RAB3GAP1: variants seen among roughly 807,000 people sequenced by gnomAD.
RAB3GAP1 encodes RAB3 GTPase activating protein catalytic subunit 1.
A neutral mutation model predicts 130.7 loss-of-function variants in RAB3GAP1; 86 were observed. The observed-to-expected ratio is 0.66, with a 90% CI of 0.55 to 0.79. RAB3GAP1 has a LOEUF of 0.79. Among genes scored for constraint, RAB3GAP1 ranks in the 30% least tolerant of loss-of-function variants. The pLI is 0.00. For missense variants in RAB3GAP1, 1,029 were observed against 1,169.4 expected (o/e 0.88, Z 1.75); for synonymous variants, 367 against 401.7 (o/e 0.91, Z 1.03).
At chr2:135,079,102 C>G (rs1689713400) in intron 3 of RAB3GAP1, among the ~76,000 whole-genome samples, 1 of 152,114 alleles carries the variant, frequency 6.6e-6, no homozygotes, top group East Asian at 1.9e-4. Flanking sequence ...ATCTCTTGAC[C>G]TTATGATCTG....
At position 135,126,161 on chromosome 2, in the gene RAB3GAP1, G is replaced by A. The variant is rs1256251756; in HGVS notation, c.831-20G>A. The A allele has an allele frequency of 1.9e-6, 3 of 1,578,764 alleles. No individual in the cohort carries two copies. The highest frequency in any genetic ancestry group is 2.2e-5 in the South Asian group (2 of 90,224). On this transcript the variant is annotated intron_variant, in intron 9 of 23. Transcript: ENST00000264158. ...GCTGAGTCAGTATTAAAGCTTTTGGGTATATTTTATGTTTTTTAGTGAACT... is the reference window on the plus strand; with the variant it reads ...GCTGAGTCAGTATTAAAGCTTTTGGATATATTTTATGTTTTTTAGTGAACT...
At chr2:135,109,266 A>G (rs1690721995) in intron 5 of RAB3GAP1, among the ~76,000 whole-genome samples, 1 of 152,140 alleles carries the variant, frequency 6.6e-6, no homozygotes, top group Admixed American at 6.6e-5. Context: ...GAAGTTGGAA[A>G]GAACTAATAT....
chr2:135,117,591 T>TCTG (rs1405990682), intron 7 of RAB3GAP1, among the ~76,000 whole-genome samples: 6 of 58,420 alleles, frequency 1.0e-4, no homozygotes, highest in Admixed American at 1.9e-4. Flanking sequence ...TGCTTCTTCT[T>TCTG]CTGCTGCTTC....
intron 5 of RAB3GAP1, among the ~76,000 whole-genome samples, chr2:135,101,473 A>G (rs1558775653): frequency 6.6e-6 from 1 of 152,236 alleles, no homozygotes; most frequent in African/African-American, 2.4e-5. Context: ...TAAAATTACT[A>G]TATGATTAAC....
chr2:135,143,747 C>T (rs1475674953), intron 17 of RAB3GAP1, among the ~76,000 whole-genome samples: 3 of 151,890 alleles, frequency 2.0e-5, no homozygotes, highest in Admixed American at 6.6e-5. Context: ...TTAGTAGAGA[C>T]GGGGTTTCAC....
At chr2:135,129,374 C>A (rs890345595) in intron 11 of RAB3GAP1, among the ~76,000 whole-genome samples, 2 of 151,386 alleles carry the variant, frequency 1.3e-5, no homozygotes, top group African/African-American at 4.9e-5. Flanking sequence ...ATGGCGTGAA[C>A]CTGGGAGGTG....
At chr2:135,077,787 T>A (rs376833481) in intron 3 of RAB3GAP1, among the ~76,000 whole-genome samples, 1 of 152,216 alleles carries the variant, frequency 6.6e-6, no homozygotes, top group Admixed American at 6.5e-5. Context: ...GATTTGCATT[T>A]CTCCAATAAT....
intron 5 of RAB3GAP1, 130 bp from the exon 6 acceptor site, chr2:135,113,021 A>T: frequency 7.7e-7 from 1 of 1,301,558 alleles, no homozygotes; most frequent in Non-Finnish European, 1.1e-6. Flanking sequence ...TGTTGCCATT[A>T]AAAGAAACAC....
chr2:135,175,681 G>C (rs1692986163), downstream of RAB3GAP1: 1 of 152,204 alleles, frequency 6.6e-6, no homozygotes, highest in South Asian at 2.1e-4. Context: ...TTCAGACGGA[G>C]AGAAAAGACA....
intron 5 of RAB3GAP1, among the ~76,000 whole-genome samples, chr2:135,094,383 C>T (rs1410268655): frequency 6.6e-6 from 1 of 151,742 alleles, no homozygotes; most frequent in East Asian, 1.9e-4. Flanking sequence ...GATGGATTCC[C>T]CAATTAAACG....
At chr2:135,080,009 C>T (rs1303027616) in intron 3 of RAB3GAP1, among the ~76,000 whole-genome samples, 7 of 149,240 alleles carry the variant, frequency 4.7e-5, no homozygotes, top group East Asian at 4.0e-4. Context: ...CCCAGCTACT[C>T]GGGAGGCTGA....
chr2:135,091,461 TC>T (rs1324919039), intron 4 of RAB3GAP1, among the ~76,000 whole-genome samples: 1 of 152,048 alleles, frequency 6.6e-6, no homozygotes, highest in Non-Finnish European at 1.5e-5. Context: ...CTGTTGGAAT[TC>T]AGAGGAGAAA....
intron 7 of RAB3GAP1, among the ~76,000 whole-genome samples, chr2:135,117,570 GCTTCTTCTT>G (rs1289347100): frequency 4.8e-5 from 1 of 20,902 alleles, no homozygotes; most frequent in African/African-American, 1.6e-4. Flanking sequence ...TTCTTCTTCT[GCTTCTTCTT>G]CTGCTTCTTC....
At chr2:135,167,375 A>T (rs867084092) in intron 23 of RAB3GAP1, among the ~76,000 whole-genome samples, 1 of 149,742 alleles carries the variant, frequency 6.7e-6, no homozygotes, top group Non-Finnish European at 1.5e-5. Context: ...TCAAGCCATG[A>T]ACACTTTTTT....
At chr2:135,088,066 T>C (rs1178015193) in intron 3 of RAB3GAP1, among the ~76,000 whole-genome samples, 5 of 152,186 alleles carry the variant, frequency 3.3e-5, no homozygotes, top group Non-Finnish European at 7.3e-5. Flanking sequence ...CTTGTCTTTA[T>C]TGAATACAAT....
chr2:135,138,637 C>G (rs914236031), intron 17 of RAB3GAP1, among the ~76,000 whole-genome samples: 7 of 146,698 alleles, frequency 4.8e-5, no homozygotes, highest in Non-Finnish European at 8.9e-5. Flanking sequence ...GAGACAGGAT[C>G]TCATTCTGTT....
chr2:135,147,706 A>G (rs1475200788), intron 17 of RAB3GAP1, among the ~76,000 whole-genome samples: 1 of 142,856 alleles, frequency 7.0e-6, no homozygotes, highest in Non-Finnish European at 1.5e-5. Context: ...TCAATCTCCC[A>G]GGCTCAAGCG....
At chr2:135,108,421 T>C (rs1690693945) in intron 5 of RAB3GAP1, among the ~76,000 whole-genome samples, 1 of 152,094 alleles carries the variant, frequency 6.6e-6, no homozygotes, top group African/African-American at 2.4e-5. Context: ...TAATTTCACT[T>C]CCCTGATTAC....
chr2:135,149,469 T>C (rs181319789), intron 17 of RAB3GAP1, among the ~76,000 whole-genome samples: 8 of 152,334 alleles, frequency 5.3e-5, no homozygotes, highest in African/African-American at 1.9e-4. Flanking sequence ...TTCAAGCACA[T>C]AGCATATAGT....
Sources: allele counts gnomAD v4.1 joint callset (sites outside exome capture counted in the v4.1 genomes callset), GRCh38; gene constraint gnomAD v4.1.1; transcripts MANE v1.5; gene names NCBI Gene and HGNC (gene_info 2026-07-23, HGNC 2026-07-21).